FKTN: variants seen among roughly 807,000 people sequenced by gnomAD.
FKTN encodes ribitol-5-phosphate transferase FKTN.
Under a neutral mutation model 58.6 loss-of-function variants are expected in FKTN, and 47 were observed. The ratio of observed to expected loss-of-function variants is 0.80; its 90% CI spans 0.63 to 1.02. The LOEUF is 1.02. Ranked by LOEUF, FKTN falls within the 50% of genes least tolerant of loss-of-function variation. The pLI is 0.00. For missense variants in FKTN, 516 were observed against 537.3 expected (o/e 0.96, Z 0.39); for synonymous variants, 178 against 191.9 (o/e 0.93, Z 0.60).
At chr9:105,619,824 A>G in intron 9 of FKTN, 110 bp from the exon 10 acceptor site, 2 of 968,828 alleles carry the variant, frequency 2.1e-6, no homozygotes, top group South Asian at 1.5e-5. Context: ...TGAATACTCT[A>G]TGTATGTAAA....
intron 10 of FKTN, among the ~76,000 whole-genome samples, chr9:105,634,175 G>A (rs1478714886): frequency 2.0e-5 from 3 of 151,242 alleles, no homozygotes; most frequent in East Asian, 3.9e-4. Context: ...TGTGTCACCC[G>A]GGCTGGAGTG....
At chr9:105,565,287 C>G (rs915556404) in intron 1 of FKTN, among the ~76,000 whole-genome samples, 6 of 152,150 alleles carry the variant, frequency 3.9e-5, no homozygotes, top group African/African-American at 1.4e-4. Flanking sequence ...GGATCAAATT[C>G]ACACATAACA....
chr9:105,636,108 G>A lies in FKTN; in HGVS notation c.*844G>A. ...AAAACTCATTTTTATTTTATTCTCA[G>A]ACAGTCTGTTAGGTAAAAATATGAG... is the stretch of plus-strand genomic sequence containing the variant. On this transcript the variant is annotated 3_prime_UTR_variant, in exon 11 of 11. Coordinates refer to ENST00000357998, the MANE Select transcript of FKTN (RefSeq NM_001079802.2). 1.0e-6 allele frequency: 1 copy of A among 977,072 alleles called. No individual in the cohort carries two copies. The highest frequency in any genetic ancestry group is 1.2e-6 in the Non-Finnish European group (1 of 822,486). 60.5% of individuals were successfully genotyped at this position (977,072 alleles called of 1,614,324 possible).
chr9:105,601,440 T>A, intron 5 of FKTN, 92 bp downstream of exon 5: 1 of 898,780 alleles, frequency 1.1e-6, no homozygotes, highest in Non-Finnish European at 1.8e-6. Flanking sequence ...ATTAAAAATT[T>A]TTCCTGAAAC....
At chr9:105,565,714 C>G (rs1839443906) in intron 1 of FKTN, among the ~76,000 whole-genome samples, 1 of 152,044 alleles carries the variant, frequency 6.6e-6, no homozygotes, top group South Asian at 2.1e-4. Flanking sequence ...ACTTTAACAC[C>G]CTACTGTCAA....
At chr9:105,621,630 T>C (rs538415121) in intron 10 of FKTN, among the ~76,000 whole-genome samples, 23 of 152,230 alleles carry the variant, frequency 1.5e-4, no homozygotes, top group African/African-American at 5.5e-4. Flanking sequence ...TATGCTCGTA[T>C]ACATATAGTA....
At chr9:105,609,337 C>T (rs370234516) in intron 7 of FKTN, among the ~76,000 whole-genome samples, 55 of 151,788 alleles carry the variant, frequency 3.6e-4, no homozygotes, top group East Asian at 3.5e-3. Flanking sequence ...AGTACAGTAC[C>T]GATAACTTTT....
chr9:105,594,999 C>T (rs1434032230), intron 3 of FKTN, among the ~76,000 whole-genome samples: 1 of 152,008 alleles, frequency 6.6e-6, no homozygotes, highest in Non-Finnish European at 1.5e-5. Context: ...GAATATTAGC[C>T]ATAAAAGGAA....
chr9:105,600,342 A>G (rs536123636), intron 4 of FKTN, among the ~76,000 whole-genome samples: 1 of 152,276 alleles, frequency 6.6e-6, no homozygotes. Flanking sequence ...TAATTTCATG[A>G]AGCACCTTTT....
intron 3 of FKTN, among the ~76,000 whole-genome samples, chr9:105,580,126 C>A (rs143766373): frequency 0.028 from 4,308 of 152,016 alleles, 144 homozygotes; most frequent in African/African-American, 0.078. Context: ...ATCCAATTTG[C>A]CAGTCTGTGT....
At chr9:105,608,660 C>T (rs1029762268) in intron 7 of FKTN, among the ~76,000 whole-genome samples, 4 of 152,134 alleles carry the variant, frequency 2.6e-5, no homozygotes, top group African/African-American at 4.8e-5. Context: ...GCTGTGTCCA[C>T]GAGGGATACG....
intron 8 of FKTN, among the ~76,000 whole-genome samples, chr9:105,617,369 G>A (rs1043319813): frequency 2.0e-5 from 3 of 152,166 alleles, no homozygotes; most frequent in Non-Finnish European, 4.4e-5. Context: ...CATTGAAGCT[G>A]CTACTGCTTT....
rs951409831 is a variant in FKTN at position 105,638,750 on chromosome 9, C to T, written c.*3486C>T. 1 of 972,464 alleles carries T rather than the reference C, an allele frequency of 1.0e-6. No individual in the cohort carries two copies. Among genetic ancestry groups the T allele is most frequent in the African/African-American group, 1.8e-5 (1 of 56,950 alleles). 60.2% of individuals were successfully genotyped at this position (972,464 alleles called of 1,614,324 possible). ...TATCTAGTTTTTAGTATTTAAACTACTTTTAATTATTTATATTGATACTCT... is the reference window on the plus strand; with the variant it reads ...TATCTAGTTTTTAGTATTTAAACTATTTTTAATTATTTATATTGATACTCT... On this transcript the variant is annotated 3_prime_UTR_variant, in exon 11 of 11. Coordinates refer to ENST00000357998, the MANE Select transcript of FKTN (RefSeq NM_001079802.2).
chr9:105,582,722 A>G (rs1366035948), intron 3 of FKTN, among the ~76,000 whole-genome samples: 1 of 152,196 alleles, frequency 6.6e-6, no homozygotes, highest in Non-Finnish European at 1.5e-5. Flanking sequence ...TCTTAGGATA[A>G]AGTCCTAGAG....
At chr9:105,616,828 T>C (rs1466387589) in intron 8 of FKTN, among the ~76,000 whole-genome samples, 2 of 152,076 alleles carry the variant, frequency 1.3e-5, no homozygotes, top group African/African-American at 4.8e-5. Flanking sequence ...TTAGCCTTTG[T>C]TGAAAATTTA....
chr9:105,596,969 A>G (rs760177546), intron 4 of FKTN, among the ~76,000 whole-genome samples: 6 of 152,196 alleles, frequency 3.9e-5, no homozygotes, highest in Non-Finnish European at 8.8e-5. Context: ...TCACTGAGCT[A>G]TGGTGTTTCC....
intron 8 of FKTN, 121 bp from the exon 9 acceptor site, chr9:105,617,838 T>C (rs1265169018): frequency 1.2e-5 from 8 of 669,406 alleles, no homozygotes; most frequent in African/African-American, 1.8e-5. Flanking sequence ...CTGGGCAATA[T>C]AGTGAGACTC....
chr9:105,558,452 G>T (rs754015429), intron 1 of FKTN, among the ~76,000 whole-genome samples: 2 of 152,112 alleles, frequency 1.3e-5, no homozygotes, highest in Non-Finnish European at 2.9e-5. Flanking sequence ...GTTGGAGGAC[G>T]ATCGAGACTC....
At position 105,617,951 on chromosome 9, in the gene FKTN, C is replaced by T. The variant is rs749557617; in HGVS notation, c.911-8C>T. On this transcript the variant is annotated splice_region_variant and splice_polypyrimidine_tract_variant and intron_variant, in intron 8 of 10. Transcript: ENST00000357998. The stretch of plus-strand genomic sequence containing the variant: ...AATTTTGTTAAAAAAATTTAATCTT[C>T]TTTTTAGGATGGTATCGACAATGCA... 6 of 1,552,392 alleles carry T rather than the reference C, an allele frequency of 3.9e-6. No homozygotes were observed. The South Asian group carries it at 7.0e-5, about 18-fold the overall frequency.
Sources: allele counts gnomAD v4.1 joint callset (sites outside exome capture counted in the v4.1 genomes callset), GRCh38; gene constraint gnomAD v4.1.1; transcripts MANE v1.5; gene names NCBI Gene and HGNC (gene_info 2026-07-23, HGNC 2026-07-21).